CA5A: variants seen among roughly 807,000 people sequenced by gnomAD.
CA5A encodes carbonic anhydrase 5A, mitochondrial.
CA5A carries 28 observed loss-of-function variants against 37.1 expected under a neutral mutation model. That is an observed-to-expected ratio of 0.75 (90% confidence interval 0.56 to 1.03). The LOEUF is 1.03. CA5A is among the 50% of genes least tolerant of loss of function. The pLI is 0.00. For missense variants in CA5A, 444 were observed against 399.9 expected, an observed-to-expected ratio of 1.11 and a Z score of -0.94; for synonymous variants, 171 against 158.4, an observed-to-expected ratio of 1.08 and a Z score of -0.60.
intron 2 of CA5A, among the ~76,000 whole-genome samples, chr16:87,925,988 C>T (rs911520597): frequency 6.6e-6 from 1 of 152,188 alleles, no homozygotes; most frequent in Non-Finnish European, 1.5e-5. Flanking sequence ...TTTGGGAGGC[C>T]AAGGTGGGCA....
intron 1 of CA5A, among the ~76,000 whole-genome samples, chr16:87,928,273 C>T (rs939020606): frequency 1.3e-5 from 2 of 152,218 alleles, no homozygotes; most frequent in Non-Finnish European, 2.9e-5. Flanking sequence ...AATCGATCCT[C>T]CCACCTCAGC....
chr16:87,889,601 C>G (rs1234117673), intron 6 of CA5A, among the ~76,000 whole-genome samples: 1 of 151,720 alleles, frequency 6.6e-6, no homozygotes, highest in African/African-American at 2.4e-5. Context: ...TGGAGAAACC[C>G]TGTTTCTACT....
intron 1 of CA5A, among the ~76,000 whole-genome samples, chr16:87,929,740 C>T (rs1476158607): frequency 1.4e-4 from 21 of 151,746 alleles, no homozygotes; most frequent in Middle Eastern, 3.4e-3. Context: ...GGCGTGGTGG[C>T]GGGCGCCTGT....
intron 4 of CA5A, 132 bp from the exon 5 acceptor site, chr16:87,902,106 C>T: frequency 4.9e-6 from 4 of 817,580 alleles, no homozygotes; most frequent in Non-Finnish European, 8.3e-6. Flanking sequence ...GTGATCCTAG[C>T]ACTGTGGGAG....
chr16:87,899,475 G>GT (rs1187606855), intron 5 of CA5A, among the ~76,000 whole-genome samples: 1 of 150,430 alleles, frequency 6.6e-6, no homozygotes, highest in African/African-American at 2.4e-5. Flanking sequence ...GCTAATTTTT[G>GT]TATTTTTAGT....
chr16:87,902,017 A>AT (rs751453754), intron 4 of CA5A, 43 bp from the exon 5 acceptor site: 4 of 1,549,826 alleles, frequency 2.6e-6, no homozygotes, highest in South Asian at 1.1e-5. Context: ...AAGGCAGTGG[A>AT]TGGGGGGGGA....
In CA5A at chr16:87,911,773, T is replaced by C. The variant is rs1250429867; in HGVS notation, c.341-6869A>G. Among the ~76,000 whole-genome samples, 1 of 152,186 alleles carries C rather than the reference T, an allele frequency of 6.6e-6. No homozygotes were observed. The highest frequency in any genetic ancestry group is 2.4e-5 in the African/African-American group (1 of 41,448). ...GGCACTGGTTTGAAAGCCAGGCAAA[T>C]GTGGGCTCCAATCCTGGCTTCACAC... On this transcript the variant is annotated intron_variant, in intron 2 of 6. Coordinates refer to ENST00000649794, the MANE Select transcript of CA5A (RefSeq NM_001739.2). This position sits in a 1 kb window ranked among gnomAD's most constrained non-coding sequence, Gnocchi z 4.6.
At chr16:87,889,337 A>G (rs1320263800) in intron 6 of CA5A, among the ~76,000 whole-genome samples, 1 of 152,100 alleles carries the variant, frequency 6.6e-6, no homozygotes, top group Non-Finnish European at 1.5e-5. Flanking sequence ...TACAGGCATG[A>G]GCTACTGCAC....
chr16:87,914,012 G>T (rs546665991), intron 2 of CA5A, among the ~76,000 whole-genome samples: 3 of 152,214 alleles, frequency 2.0e-5, no homozygotes, highest in Non-Finnish European at 4.4e-5. Flanking sequence ...TTATTTCCCC[G>T]ATGACCTTTT....
intron 2 of CA5A, among the ~76,000 whole-genome samples, chr16:87,908,361 G>C (rs1178168113): frequency 1.3e-5 from 2 of 152,190 alleles, no homozygotes; most frequent in African/African-American, 4.8e-5. Flanking sequence ...GTAAAGTGTT[G>C]TCTGATGATG....
At position 87,933,099 on chromosome 16, in the gene CA5A, G is replaced by T. The variant is rs139085805; in HGVS notation, c.142+3210C>A. Reference sequence around the variant, plus strand: ...GCCCAGCCCAACCACGGTCAGCCCGGGGGGAGCCAAATGCAAGAAGACTCA... The same window carrying T: ...GCCCAGCCCAACCACGGTCAGCCCGTGGGGAGCCAAATGCAAGAAGACTCA... On this transcript the variant is annotated intron_variant, in intron 1 of 6. Transcript: ENST00000649794. 2.7e-3 allele frequency among the ~76,000 whole-genome samples: 416 copies of T among 152,334 alleles called. 1 individual carries two copies. Among genetic ancestry groups the T allele is most frequent in the African/African-American group, 9.6e-3 (398 of 41,570 alleles).
intron 2 of CA5A, among the ~76,000 whole-genome samples, chr16:87,907,979 T>C (rs534221971): frequency 6.6e-6 from 1 of 152,196 alleles, no homozygotes; most frequent in Non-Finnish European, 1.5e-5. Context: ...GGACCATCAC[T>C]GTATCAACAG....
At chr16:87,929,871 C>CAAA (rs58941982) in intron 1 of CA5A, among the ~76,000 whole-genome samples, 23,678 of 62,266 alleles carry the variant, frequency 0.38, 7,673 homozygotes, top group Non-Finnish European at 0.47. Flanking sequence ...GACTCCGTCT[C>CAAA]AAAAAAAAAA....
intron 2 of CA5A, among the ~76,000 whole-genome samples, chr16:87,922,444 T>C (rs948552488): frequency 2.0e-5 from 3 of 152,214 alleles, no homozygotes; most frequent in African/African-American, 4.8e-5. Context: ...CTGGGTTCCC[T>C]TGGGGATACA....
intron 6 of CA5A, among the ~76,000 whole-genome samples, chr16:87,889,575 A>T (rs1195241178): frequency 6.6e-6 from 1 of 151,762 alleles, no homozygotes; most frequent in Non-Finnish European, 1.5e-5. Flanking sequence ...GGAGTTTGAG[A>T]CCAGCCTGGC....
intron 2 of CA5A, chr16:87,925,527 A>C (rs2056293168): frequency 6.6e-6 from 1 of 152,254 alleles, no homozygotes; most frequent in African/African-American, 2.4e-5. Flanking sequence ...CCAATTCCAG[A>C]CTCGCAGCAG....
At chr16:87,902,267 T>C (rs530776925) in intron 4 of CA5A, among the ~76,000 whole-genome samples, 158 bp downstream of exon 4, 3 of 151,588 alleles carry the variant, frequency 2.0e-5, no homozygotes, top group African/African-American at 7.3e-5. Flanking sequence ...GGCAGGAGAA[T>C]CACTTGAACC....
chr16:87,925,099 G>C (rs2144060928), intron 2 of CA5A, among the ~76,000 whole-genome samples: 1 of 152,344 alleles, frequency 6.6e-6, no homozygotes, highest in East Asian at 1.9e-4. Flanking sequence ...GCAACAGTGA[G>C]TGAGCAAGAT....
intron 5 of CA5A, among the ~76,000 whole-genome samples, chr16:87,896,837 T>A (rs1157626660): frequency 1.3e-5 from 2 of 152,186 alleles, no homozygotes; most frequent in African/African-American, 4.8e-5. Context: ...ATGGGGTTTC[T>A]CTATGTTGGT....
Sources: allele counts gnomAD v4.1 joint callset (sites outside exome capture counted in the v4.1 genomes callset), GRCh38; gene constraint gnomAD v4.1.1; non-coding constraint Gnocchi (gnomAD v3.1); transcripts MANE v1.5; gene names NCBI Gene and HGNC (gene_info 2026-07-23, HGNC 2026-07-21).